Variants in PABPC4L observed in about 807,000 individuals in gnomAD.
PABPC4L encodes the protein polyadenylate-binding protein 4-like.
For missense variants in PABPC4L, 452 were observed against 451.4 expected, an observed-to-expected ratio of 1.00 and a Z score of -0.01; for synonymous variants, 169 against 164.1, an observed-to-expected ratio of 1.03 and a Z score of -0.23.
At chr4:134,057,114 ATTTTGTG>A in the PABPC4L span, among the ~76,000 whole-genome samples, 1 of 151,944 alleles carries the variant, frequency 6.6e-6, no homozygotes, top group Non-Finnish European at 1.5e-5. Context: ...ATCAAGTGTT[ATTTTGTG>A]TGTGTACATT....
chr4:134,018,475 A>T, the PABPC4L span, among the ~76,000 whole-genome samples: 4 of 152,140 alleles, frequency 2.6e-5, no homozygotes, highest in Non-Finnish European at 4.4e-5. Context: ...TAAGCATAGT[A>T]CCCAACAGGT....
chr4:134,083,899 T>G, the PABPC4L span, among the ~76,000 whole-genome samples: 1 of 152,290 alleles, frequency 6.6e-6, no homozygotes, highest in African/African-American at 2.4e-5. Context: ...TTATATGTAA[T>G]ATTTCCCATT....
chr4:134,138,903 T>G, the PABPC4L span, among the ~76,000 whole-genome samples: 1 of 151,866 alleles, frequency 6.6e-6, no homozygotes, highest in Non-Finnish European at 1.5e-5. Context: ...ATATCAAATC[T>G]CTATTGTCTA....
At chr4:133,967,579 A>G in the PABPC4L span, among the ~76,000 whole-genome samples, 1 of 152,210 alleles carries the variant, frequency 6.6e-6, no homozygotes, top group Non-Finnish European at 1.5e-5. Context: ...TAAATAGAAG[A>G]AGAGGACCTA....
the PABPC4L span, among the ~76,000 whole-genome samples, chr4:133,953,456 G>A: frequency 1.3e-5 from 2 of 152,006 alleles, no homozygotes; most frequent in East Asian, 1.9e-4. Context: ...GTAATATCAG[G>A]CCAGCTTTTA....
At chr4:133,964,174 T>A in the PABPC4L span, among the ~76,000 whole-genome samples, 1 of 152,034 alleles carries the variant, frequency 6.6e-6, no homozygotes, top group African/African-American at 2.4e-5. Context: ...AAAGGATCAT[T>A]CAAGGCTACT....
chr4:134,132,921 A>G, the PABPC4L span, among the ~76,000 whole-genome samples: 2 of 146,060 alleles, frequency 1.4e-5, no homozygotes, highest in African/African-American at 5.0e-5. Flanking sequence ...TGCATATTAT[A>G]TATAAATTAT....
At chr4:134,167,091 T>C in the PABPC4L span, among the ~76,000 whole-genome samples, 2 of 152,160 alleles carry the variant, frequency 1.3e-5, no homozygotes, top group Non-Finnish European at 2.9e-5. Context: ...AGAGGATGTT[T>C]AGGACACTGA....
chr4:134,146,003 A>G, the PABPC4L span, among the ~76,000 whole-genome samples: 5 of 152,150 alleles, frequency 3.3e-5, no homozygotes, highest in South Asian at 1.0e-3. Context: ...GTTATGGACA[A>G]GTCAGTATCT....
At chr4:134,169,948 T>C in the PABPC4L span, among the ~76,000 whole-genome samples, 1 of 152,158 alleles carries the variant, frequency 6.6e-6, no homozygotes, top group Non-Finnish European at 1.5e-5. Context: ...GTCACCCGTG[T>C]TTGGTATACA....
chr4:134,076,154 T>C, the PABPC4L span, among the ~76,000 whole-genome samples: 1 of 151,822 alleles, frequency 6.6e-6, no homozygotes, highest in Non-Finnish European at 1.5e-5. Context: ...TTAGTTGAAA[T>C]AGGAATTTAA....
At position 134,196,636 on chromosome 4, in the gene PABPC4L, T is replaced by C. The variant is rs1301483865; in HGVS notation, c.*3271A>G. On this transcript the variant is annotated 3_prime_UTR_variant, in exon 2 of 2. Transcript: ENST00000421491. ...TTTACTGGAATGCTTATCAGAAAAG[T>C]TAAGATTCTACTTATTTATTAAGGC... is the stretch of plus-strand genomic sequence containing the variant. The C allele has an allele frequency of 2.0e-5, 3 of 151,764 alleles. No homozygotes were observed. In the East Asian group the frequency reaches 5.8e-4, roughly 29 times the overall value. 9.4% of individuals were successfully genotyped at this position (151,764 alleles called of 1,614,324 possible).
At chr4:134,054,301 T>G in the PABPC4L span, among the ~76,000 whole-genome samples, 1 of 144,206 alleles carries the variant, frequency 6.9e-6, no homozygotes, top group African/African-American at 2.5e-5. Context: ...GTTATGCTAG[T>G]AGTTTTGATT....
chr4:134,104,155 G>A, the PABPC4L span, among the ~76,000 whole-genome samples: 10 of 151,594 alleles, frequency 6.6e-5, no homozygotes, highest in East Asian at 1.9e-4. Context: ...CAAACAAACC[G>A]CTGGTCTCCT....
the PABPC4L span, among the ~76,000 whole-genome samples, chr4:134,102,702 T>C: frequency 6.6e-6 from 1 of 151,564 alleles, no homozygotes; most frequent in Non-Finnish European, 1.5e-5. Context: ...GATCTATTTC[T>C]CATATTATAG....
chr4:134,150,447 T>A, the PABPC4L span, among the ~76,000 whole-genome samples: 21 of 152,168 alleles, frequency 1.4e-4, no homozygotes, highest in Non-Finnish European at 2.8e-4. Flanking sequence ...TGTTGACTTA[T>A]CCAGATATAT....
the PABPC4L span, among the ~76,000 whole-genome samples, chr4:134,038,751 G>A: frequency 6.6e-6 from 1 of 151,826 alleles, no homozygotes; most frequent in African/African-American, 2.4e-5. Flanking sequence ...TATCTATTTT[G>A]TTGATCTTTT....
chr4:134,167,446 C>T, the PABPC4L span, among the ~76,000 whole-genome samples: 1 of 151,678 alleles, frequency 6.6e-6, no homozygotes, highest in East Asian at 1.9e-4. Flanking sequence ...AATAATATGG[C>T]ATGTAAGTGA....
At chr4:134,080,891 A>C in the PABPC4L span, among the ~76,000 whole-genome samples, 1 of 152,180 alleles carries the variant, frequency 6.6e-6, no homozygotes, top group Admixed American at 6.5e-5. Flanking sequence ...TCACTAACAC[A>C]CAGTGTATCA....
Sources: allele counts gnomAD v4.1 joint callset (sites outside exome capture counted in the v4.1 genomes callset), GRCh38; gene constraint gnomAD v4.1.1; transcripts MANE v1.5; gene names NCBI Gene and HGNC (gene_info 2026-07-23, HGNC 2026-07-21).